Variants in CACNA1B observed in about 807,000 individuals in gnomAD.
CACNA1B encodes the protein calcium voltage-gated channel subunit alpha1 B, also known as voltage-dependent N-type calcium channel subunit alpha-1B.
A neutral mutation model predicts 247.2 loss-of-function variants in CACNA1B; 70 were observed. That is an observed-to-expected ratio of 0.28 (90% CI 0.23 to 0.35). CACNA1B has a LOEUF of 0.35. Among genes scored for constraint, CACNA1B ranks in the 10% least tolerant of loss-of-function variants. The pLI is 1.00. For synonymous variants in CACNA1B, 1,231 were observed against 1,294.4 expected, an observed-to-expected ratio of 0.95 and a Z score of 1.05; for missense variants, 2,367 against 3,197.4, an observed-to-expected ratio of 0.74 and a Z score of 6.26.
rs530422144 is a variant in CACNA1B at position 137,946,515 on chromosome 9, C to T, written c.967-5759C>T. Among the ~76,000 whole-genome samples, 47 of 152,114 alleles carry T rather than the reference C, an allele frequency of 3.1e-4. No homozygotes were observed. In the South Asian group the frequency reaches 3.7e-3, roughly 12 times the overall value. ...CAGGGCAGCTATCCCTATCATTCCTCGGCCTTCAGGTAACACTGGAGAGTG... is the reference window on the plus strand; with the variant it reads ...CAGGGCAGCTATCCCTATCATTCCTTGGCCTTCAGGTAACACTGGAGAGTG... On this transcript the variant is annotated intron_variant, in intron 6 of 46. Coordinates refer to ENST00000371372, the MANE Select transcript of CACNA1B (RefSeq NM_000718.4).
intron 3 of CACNA1B, among the ~76,000 whole-genome samples, chr9:137,884,571 C>A (rs1487009893): frequency 1.4e-5 from 2 of 146,144 alleles, no homozygotes; most frequent in African/African-American, 2.6e-5. Context: ...CTGAGGACAA[C>A]GGTGCCTTAT....
chr9:137,959,904 C>G (rs1197683520), intron 10 of CACNA1B, among the ~76,000 whole-genome samples: 1 of 152,192 alleles, frequency 6.6e-6, no homozygotes, highest in Non-Finnish European at 1.5e-5. Context: ...GCCAGAGCCC[C>G]TGTCCGGAGG....
intron 35 of CACNA1B, 98 bp from the exon 36 acceptor site, chr9:138,078,016 G>A: frequency 9.6e-7 from 1 of 1,045,026 alleles, no homozygotes; most frequent in Non-Finnish European, 1.4e-6. Context: ...GCTGTCTGTG[G>A]GAAGGAGCCC....
At chr9:138,047,061 G>A (rs770625152) in intron 22 of CACNA1B, 28 bp downstream of exon 22, 23 of 1,586,506 alleles carry the variant, frequency 1.4e-5, no homozygotes, top group East Asian at 2.3e-5. Context: ...CCGGGTCCCC[G>A]CCAGGCTGTG....
intron 34 of CACNA1B, 87 bp from the exon 35 acceptor site, chr9:138,075,732 G>T: frequency 1.2e-6 from 1 of 823,852 alleles, no homozygotes. Flanking sequence ...GTCCTTGTAC[G>T]GCTCGCACGC....
In CACNA1B at chr9:137,882,815, T is replaced by C. The variant is rs1366940849; in HGVS notation, c.462T>C (p.Phe154=). ...EAGIKIIALG[F]VFHKGSYLRN... The stretch of plus-strand genomic sequence containing the variant: ...GGATCAAAATCATCGCTCTGGGCTT[T>C]GTCTTCCACAAGGGCTCTTACCTGC... The change falls in exon 3 of 47, where the codon TTT becomes TTC. Residue 154 remains phenylalanine (F), a synonymous_variant. Coordinates refer to ENST00000371372, the MANE Select transcript of CACNA1B (RefSeq NM_000718.4). This position sits in a 1 kb window ranked among gnomAD's most constrained non-coding sequence, Gnocchi z 4.0. The C allele has an allele frequency of 6.2e-7, 1 of 1,613,954 alleles. No individual in the cohort carries two copies. Among genetic ancestry groups the C allele is most frequent in the Non-Finnish European group, 8.5e-7 (1 of 1,179,822 alleles).
chr9:138,022,982 G>A, intron 18 of CACNA1B, 29 bp from the exon 19 acceptor site: 1 of 1,464,800 alleles, frequency 6.8e-7, no homozygotes, highest in Non-Finnish European at 9.0e-7. Context: ...CGGCAGACGG[G>A]GCCGCGCTCA....
rs1213008653 is a variant in CACNA1B at position 138,052,964 on chromosome 9, C to T, written c.3807+776C>T. Among the ~76,000 whole-genome samples, 1 of 152,200 alleles carries T rather than the reference C, an allele frequency of 6.6e-6. No individual in the cohort carries two copies. Among genetic ancestry groups the T allele is most frequent in the Non-Finnish European group, 1.5e-5 (1 of 68,036 alleles). Reference sequence around the variant, plus strand: ...TCAGAGCAGCCTGTGAGGTGTCTTCCCAGCTCTGAGAGCAGCATTGTGTGC... The same window carrying T: ...TCAGAGCAGCCTGTGAGGTGTCTTCTCAGCTCTGAGAGCAGCATTGTGTGC... On this transcript the variant is annotated intron_variant, in intron 25 of 46. Coordinates refer to ENST00000371372, the MANE Select transcript of CACNA1B (RefSeq NM_000718.4). The surrounding 1 kb of genome is among the most constrained non-coding windows in gnomAD (Gnocchi z 5.1).
chr9:137,902,960 C>T (rs1416265616), intron 3 of CACNA1B, among the ~76,000 whole-genome samples: 2 of 152,228 alleles, frequency 1.3e-5, no homozygotes, highest in Non-Finnish European at 2.9e-5. Context: ...TCTTGTCAAG[C>T]ATTTGGGTTA....
chr9:137,906,004 G>C (rs1957294986), intron 3 of CACNA1B, among the ~76,000 whole-genome samples: 1 of 152,176 alleles, frequency 6.6e-6, no homozygotes, highest in African/African-American at 2.4e-5. Flanking sequence ...CTATGGCAAG[G>C]GCCTCTCCAC....
intron 31 of CACNA1B, among the ~76,000 whole-genome samples, chr9:138,067,467 G>T (rs1335993363): frequency 6.6e-6 from 1 of 152,264 alleles, no homozygotes; most frequent in East Asian, 1.9e-4. Context: ...TTGGGAGGCT[G>T]AGGTGGGCAG....
intron 6 of CACNA1B, among the ~76,000 whole-genome samples, chr9:137,928,626 T>C (rs1477333099): frequency 6.6e-6 from 1 of 152,228 alleles, no homozygotes; most frequent in Non-Finnish European, 1.5e-5. Flanking sequence ...TTTGCTGCAA[T>C]ATAATCTGTG....
At position 138,057,154 on chromosome 9, in the gene CACNA1B, G is replaced by T. The variant is rs1471059202; in HGVS notation, c.3969-578G>T. On this transcript the variant is annotated intron_variant, in intron 26 of 46. Coordinates refer to ENST00000371372, the MANE Select transcript of CACNA1B (RefSeq NM_000718.4). The surrounding 1 kb of genome is among the most constrained non-coding windows in gnomAD (Gnocchi z 4.0). ...GGGGTTCACCATGTTAGCCAGGATG[G>T]TCTCCATCTCCTGACCTCGTGATCC... is the stretch of plus-strand genomic sequence containing the variant. Among the ~76,000 whole-genome samples, 2 of 151,786 alleles carry T rather than the reference G, an allele frequency of 1.3e-5. No homozygotes were observed. Among genetic ancestry groups the T allele is most frequent in the Non-Finnish European group, 2.9e-5 (2 of 67,910 alleles).
chr9:137,984,301 T>A, intron 13 of CACNA1B, 51 bp downstream of exon 13: 1 of 1,315,936 alleles, frequency 7.6e-7, no homozygotes, highest in Admixed American at 2.0e-5. Flanking sequence ...GGAGAGGGCG[T>A]GGGATCAGCC....
chr9:137,892,386 C>T (rs2133244240), intron 3 of CACNA1B: 3 of 456,122 alleles, frequency 6.6e-6, no homozygotes, highest in South Asian at 4.7e-5. Context: ...AGGCGGGATG[C>T]AGGGCCAGGC....
chr9:137,951,134 G>C (rs1957873289), intron 6 of CACNA1B, among the ~76,000 whole-genome samples: 1 of 152,246 alleles, frequency 6.6e-6, no homozygotes. Context: ...TCAGTCCACA[G>C]ATCTGAGCTG....
At chr9:138,064,528 G>A (rs1959846491) in intron 31 of CACNA1B, among the ~76,000 whole-genome samples, 1 of 152,196 alleles carries the variant, frequency 6.6e-6, no homozygotes, top group African/African-American at 2.4e-5. Context: ...TTAATCTCAA[G>A]CAGCATCCTT....
Position 138,102,193 on chromosome 9 carries a change from C to A in CACNA1B, c.5223-518C>A, listed in dbSNP as rs772535838. Among the ~76,000 whole-genome samples, 8 of 152,152 alleles carry A rather than the reference C, an allele frequency of 5.3e-5. No homozygotes were observed. The highest frequency in any genetic ancestry group is 1.2e-4 in the Non-Finnish European group (8 of 68,038). ...TCTGGTTTGTTTCAGATCTTCTCCA[C>A]CTTTTTAGCCTCTAGCCTCACTTGG... On this transcript the variant is annotated intron_variant, in intron 37 of 46. Transcript: ENST00000371372. This position sits in a 1 kb window ranked among gnomAD's most constrained non-coding sequence, Gnocchi z 5.4.
chr9:138,027,189 T>C (rs1255447207), intron 20 of CACNA1B, among the ~76,000 whole-genome samples: 3 of 152,232 alleles, frequency 2.0e-5, no homozygotes, highest in African/African-American at 7.2e-5. Flanking sequence ...ATATGTGTTT[T>C]TGCAAGCATT....
Sources: allele counts gnomAD v4.1 joint callset (sites outside exome capture counted in the v4.1 genomes callset), GRCh38; gene constraint gnomAD v4.1.1; non-coding constraint Gnocchi (gnomAD v3.1); transcripts MANE v1.5; gene names NCBI Gene and HGNC (gene_info 2026-07-23, HGNC 2026-07-21).